Variants in SPACA6 observed in about 807,000 individuals in gnomAD.
The protein encoded by SPACA6 is sperm acrosome associated 6.
For missense variants in SPACA6, 8 were observed against 2.8 expected (o/e 2.88, Z -1.34); for synonymous variants, 6 against 1.5 (o/e 4.05, Z -2.21).
upstream of SPACA6, chr19:51,685,597 A>G (rs1048660434): frequency 9.9e-5 from 15 of 152,142 alleles, no homozygotes; most frequent in Admixed American, 8.5e-4. Context: ...GTGCAGCCTC[A>G]ACTTCCTGGG....
intron 4 of SPACA6, 22 bp from the exon 5 acceptor site, chr19:51,702,999 A>C: frequency 2.5e-6 from 1 of 399,116 alleles, no homozygotes; most frequent in Non-Finnish European, 4.4e-6. Flanking sequence ...TGGCGCCTAG[A>C]CCCAGCGTTC....
At chr19:51,691,118 G>A (rs947728677), upstream of SPACA6, among the ~76,000 whole-genome samples, 1 of 149,378 alleles carries the variant, frequency 6.7e-6, no homozygotes, top group Non-Finnish European at 1.5e-5. Flanking sequence ...CCCAGCCCTG[G>A]GCCCCTTCTC....
At chr19:51,712,540 G>A (rs1416063704), downstream of SPACA6, among the ~76,000 whole-genome samples, 1 of 144,976 alleles carries the variant, frequency 6.9e-6, no homozygotes, top group Non-Finnish European at 1.5e-5. Flanking sequence ...GGATCAGGTG[G>A]GAAGAACTGC....
downstream of SPACA6, among the ~76,000 whole-genome samples, chr19:51,706,155 T>C (rs140797699): frequency 6.6e-6 from 1 of 152,228 alleles, no homozygotes; most frequent in Non-Finnish European, 1.5e-5. Context: ...CCTTGTCCCA[T>C]ACCCCTTTCC....
At chr19:51,699,526 C>T (rs1275896668) in intron 2 of SPACA6, among the ~76,000 whole-genome samples, 1 of 152,130 alleles carries the variant, frequency 6.6e-6, no homozygotes, top group Admixed American at 6.5e-5. Context: ...CTGGGTGACT[C>T]GAACAACAGA....
intron 2 of SPACA6, among the ~76,000 whole-genome samples, chr19:51,700,386 C>T (rs1375992674): frequency 6.6e-6 from 1 of 152,174 alleles, no homozygotes; most frequent in African/African-American, 2.4e-5. Context: ...TGACTGCTAC[C>T]CATCTCCAGC....
At chr19:51,690,518 G>A (rs192102178), upstream of SPACA6, among the ~76,000 whole-genome samples, 39 of 152,260 alleles carry the variant, frequency 2.6e-4, no homozygotes, top group Non-Finnish European at 3.2e-4. Context: ...CAGGGGTTAA[G>A]GGGGCGGGAC....
rs928922070 is a variant in SPACA6 at position 51,704,077 on chromosome 19, A to G, written c.621A>G (p.Glu207=). ...LSYFRDMPRA[E]GYLARIRPAQ... is the part of the protein sequence containing the mutation. ...ATTTCCGAGATATGCCGCGGGCCGAAGGATACCTGGCGCGGATCCGGCCGG... is the reference window on the plus strand; with the variant it reads ...ATTTCCGAGATATGCCGCGGGCCGAGGGATACCTGGCGCGGATCCGGCCGG... Residue 207 remains glutamate (E), a synonymous_variant, in exon 7 of 9, where the codon GAA becomes GAG. Transcript: ENST00000637797. The G allele has an allele frequency of 9.7e-5, 39 of 401,058 alleles. No homozygotes were observed. The highest frequency in any genetic ancestry group is 1.3e-5 in the Non-Finnish European group (3 of 226,242). The allele number at this position is 401,058 out of a possible 1,614,324, so 24.8% of individuals were successfully genotyped here. A position where few individuals can be genotyped will look rare whatever the true frequency, so the allele number is the denominator to read the frequency against.
chr19:51,702,206 C>A (rs535635268), intron 3 of SPACA6, among the ~76,000 whole-genome samples: 1 of 152,186 alleles, frequency 6.6e-6, no homozygotes, highest in South Asian at 2.1e-4. Flanking sequence ...TGAAAGGTTT[C>A]GTCTCCAACT....
downstream of SPACA6, among the ~76,000 whole-genome samples, chr19:51,706,361 C>T (rs1188474209): frequency 1.3e-5 from 2 of 152,220 alleles, no homozygotes; most frequent in East Asian, 3.9e-4. Flanking sequence ...CCGCTAATCC[C>T]CTTGACAAGT....
chr19:51,712,593 G>A (rs1568623306), downstream of SPACA6, among the ~76,000 whole-genome samples: 1 of 152,162 alleles, frequency 6.6e-6, no homozygotes, highest in Non-Finnish European at 1.5e-5. Context: ...ATAGGGTCTG[G>A]TGCCCTGATG....
At chr19:51,689,842 G>C (rs1357669817), upstream of SPACA6, among the ~76,000 whole-genome samples, 2 of 151,962 alleles carry the variant, frequency 1.3e-5, no homozygotes, top group African/African-American at 4.8e-5. Flanking sequence ...GGGCTGGTAG[G>C]ATCGTGGCTG....
intron 2 of SPACA6, among the ~76,000 whole-genome samples, chr19:51,697,795 T>C (rs1319856642): frequency 6.6e-6 from 1 of 152,120 alleles, no homozygotes; most frequent in Non-Finnish European, 1.5e-5. Context: ...GTATTAGGTG[T>C]GGAGATTATG....
At chr19:51,690,971 C>T (rs2083365852), upstream of SPACA6, among the ~76,000 whole-genome samples, 1 of 151,744 alleles carries the variant, frequency 6.6e-6, no homozygotes, top group Admixed American at 6.6e-5. Context: ...CTGACTCTCG[C>T]CCCCGCCTGA....
At position 51,693,840 on chromosome 19, in the gene SPACA6, C is replaced by T. The variant is rs538836340; in HGVS notation, c.214+100C>T. ...AGGCTGAGGGACAGACAGAGAGAAA[C>T]AGTCAGAGGAGAAAGGCTCAAAGAC... is the stretch of plus-strand genomic sequence containing the variant. On this transcript the variant is annotated intron_variant, in intron 1 of 8. Transcript: ENST00000637797. 107 of 401,030 alleles carry T rather than the reference C, an allele frequency of 2.7e-4. 1 individual carries two copies. Among genetic ancestry groups the T allele is most frequent in the African/African-American group, 1.8e-3 (89 of 48,822 alleles). 24.8% of individuals were successfully genotyped at this position (401,030 alleles called of 1,614,324 possible).
At chr19:51,697,724 C>G (rs560230714) in intron 2 of SPACA6, among the ~76,000 whole-genome samples, 1 of 152,092 alleles carries the variant, frequency 6.6e-6, no homozygotes, top group Non-Finnish European at 1.5e-5. Context: ...CCCAGGTGAT[C>G]TTATTTGTAT....
At chr19:51,701,592 G>A (rs920869390) in intron 2 of SPACA6, 66 bp from the exon 3 acceptor site, 2 of 397,706 alleles carry the variant, frequency 5.0e-6, no homozygotes, top group East Asian at 3.6e-5. Flanking sequence ...TCAGAATGCA[G>A]GACCAAGGAC....
At chr19:51,700,484 C>A (rs1434445704) in intron 2 of SPACA6, among the ~76,000 whole-genome samples, 1 of 152,154 alleles carries the variant, frequency 6.6e-6, no homozygotes, top group South Asian at 2.1e-4. Context: ...ATTTGACATT[C>A]CAAATTTTAT....
chr19:51,705,480 A>T (rs1362892853), downstream of SPACA6: 1 of 196,084 alleles, frequency 5.1e-6, no homozygotes, highest in Non-Finnish European at 1.0e-5. Context: ...CTAGCAGTTC[A>T]AACCAGAAAC....
Sources: gnomAD v4.1 joint callset for allele counts (sites outside exome capture counted in the v4.1 genomes callset) on GRCh38, gnomAD v4.1.1 for gene constraint, MANE v1.5 for transcripts, NCBI Gene and HGNC (gene_info 2026-07-23, HGNC 2026-07-21) for gene names.